Variants in NSD2 observed in about 807,000 individuals in gnomAD.
The protein encoded by NSD2 is histone-lysine N-methyltransferase NSD2.
NSD2 carries 12 observed loss-of-function variants against 139.0 expected under a neutral mutation model. That is an observed-to-expected ratio of 0.09 (90% CI 0.06 to 0.14). The LOEUF is 0.14. Ranked by LOEUF, NSD2 falls within the 10% of genes least tolerant of loss-of-function variation. The probability of loss-of-function intolerance (pLI) is 1.00; values close to 1 mark genes in which losing one functional copy is unlikely to be tolerated. For synonymous variants in NSD2, 669 were observed against 648.7 expected (o/e 1.03, Z -0.48); for missense variants, 1,155 against 1,745.0 (o/e 0.66, Z 6.02).
At chr4:1,977,595 G>T (rs1411486114) in intron 21 of NSD2, among the ~76,000 whole-genome samples, 1 of 152,118 alleles carries the variant, frequency 6.6e-6, no homozygotes, top group African/African-American at 2.4e-5. Context: ...GACCAACATG[G>T]TGAAACCCCG....
chr4:1,914,264 C>G (rs1014742259), intron 3 of NSD2, among the ~76,000 whole-genome samples: 3 of 152,106 alleles, frequency 2.0e-5, no homozygotes, highest in African/African-American at 7.2e-5. Context: ...CTCAAGTATT[C>G]TACCCGCCTT....
Position 1,889,785 on chromosome 4 carries a change from G to T in NSD2, c.-29-10841G>T, listed in dbSNP as rs1715391383. ...ACCTCCCAAAGTGCTGGGATTACAG[G>T]CGTGAGCCACTGTGCCCAGCCGACC... On this transcript the variant is annotated intron_variant, in intron 1 of 21. Coordinates refer to ENST00000508803, the MANE Select transcript of NSD2 (RefSeq NM_001042424.3). Among the ~76,000 whole-genome samples, 3 of 152,086 alleles carry T rather than the reference G, an allele frequency of 2.0e-5. No individual in the cohort carries two copies. The South Asian group carries it at 6.2e-4, about 31-fold the overall frequency.
chr4:1,976,309 C>CT lies in NSD2; in HGVS notation c.3622-165dup. The CT allele has an allele frequency of 1.4e-6, 1 of 714,778 alleles. No individual in the cohort carries two copies. The highest frequency in any genetic ancestry group is 2.7e-5 in the Admixed American group (1 of 36,464). The allele number at this position is 714,778 out of a possible 1,614,324, so 44.3% of individuals were successfully genotyped here. A position where few individuals can be genotyped will look rare whatever the true frequency, so the allele number is the denominator to read the frequency against. On this transcript the variant is annotated intron_variant, in intron 20 of 21. Transcript: ENST00000508803. This position sits in a 1 kb window ranked among gnomAD's most constrained non-coding sequence, Gnocchi z 5.3. ...CTTTTTCACGCTGAGTCGAGTGAGT[C>CT]TAAGGATGTCTGGGGAGCACGAGGA...
intron 6 of NSD2, among the ~76,000 whole-genome samples, chr4:1,934,910 A>T (rs111407761): frequency 0.015 from 1,597 of 104,824 alleles, 34 homozygotes; most frequent in African/African-American, 0.042. Context: ...TATATATATA[A>T]AAAACAGATA....
At chr4:1,913,146 C>T (rs930437564) in intron 3 of NSD2, among the ~76,000 whole-genome samples, 9 of 152,200 alleles carry the variant, frequency 5.9e-5, no homozygotes, top group African/African-American at 1.9e-4. Context: ...TGAAGGGACA[C>T]GGTGAGAAGT....
intron 1 of NSD2, among the ~76,000 whole-genome samples, chr4:1,891,989 C>G (rs962447334): frequency 2.0e-5 from 3 of 152,094 alleles, no homozygotes; most frequent in Admixed American, 2.0e-4. Flanking sequence ...GCCCTCTATG[C>G]TTTCTCTTTT....
At chr4:1,880,748 A>C (rs900190701) in intron 1 of NSD2, among the ~76,000 whole-genome samples, 1 of 152,204 alleles carries the variant, frequency 6.6e-6, no homozygotes, top group African/African-American at 2.4e-5. Flanking sequence ...CTATAAGACC[A>C]GTAAGCCATA....
At chr4:1,913,997 A>C (rs891596260) in intron 3 of NSD2, among the ~76,000 whole-genome samples, 3 of 151,996 alleles carry the variant, frequency 2.0e-5, no homozygotes, top group African/African-American at 7.3e-5. Context: ...ATGGGAAGTA[A>C]ATTTGAGTCC....
At position 1,920,206 on chromosome 4, in the gene NSD2, T is replaced by C. The variant is rs9996424; in HGVS notation, c.1410+1583T>C. On this transcript the variant is annotated intron_variant, in intron 5 of 21. Transcript: ENST00000508803. ...GGCTCCCGCCTGTAATCTCAGCACA[T>C]TGGGAGGCTAAGGTGGGCAGATCAC... Among the ~76,000 whole-genome samples, 1,465 of 152,116 alleles carry C rather than the reference T, an allele frequency of 9.6e-3. 26 individuals carry two copies. Among genetic ancestry groups the C allele is most frequent in the African/African-American group, 0.034 (1,393 of 41,480 alleles).
At chr4:1,941,252 T>C in intron 9 of NSD2, 1 of 1,057,042 alleles carries the variant, frequency 9.5e-7, no homozygotes, top group Non-Finnish European at 1.1e-6. Context: ...AGATTTTTGC[T>C]TTAAAGAGCT....
In NSD2 at chr4:1,981,558, G is replaced by A. The variant is rs961393456; in HGVS notation, c.*2649G>A. The A allele has an allele frequency of 8.0e-5, 26 of 323,226 alleles. No individual in the cohort carries two copies. The highest frequency in any genetic ancestry group is 8.2e-4 in the Middle Eastern group (1 of 1,224). The allele number at this position is 323,226 out of a possible 1,614,324, so 20.0% of individuals were successfully genotyped here. On this transcript the variant is annotated 3_prime_UTR_variant, in exon 22 of 22. Coordinates refer to ENST00000508803, the MANE Select transcript of NSD2 (RefSeq NM_001042424.3). ...TGTGCGCCCACAGGGGGATGTGTCC[G>A]AATGGGCAGCTTAAAATGTGGTCAC...
At chr4:1,921,808 A>G (rs1467030414) in intron 5 of NSD2, among the ~76,000 whole-genome samples, 1 of 151,470 alleles carries the variant, frequency 6.6e-6, no homozygotes, top group Non-Finnish European at 1.5e-5. Flanking sequence ...AAAGAATAAG[A>G]CAGGAAACCA....
At chr4:1,946,418 C>A in intron 9 of NSD2, 1 of 451,348 alleles carries the variant, frequency 2.2e-6, no homozygotes, top group Non-Finnish European at 3.0e-6. Flanking sequence ...CAAGCGGCTG[C>A]CACCACACCT....
At chr4:1,924,760 CAA>C (rs1560662074) in intron 5 of NSD2, among the ~76,000 whole-genome samples, 1 of 148,618 alleles carries the variant, frequency 6.7e-6, no homozygotes, top group Non-Finnish European at 1.5e-5. Flanking sequence ...AAAAAAAAAA[CAA>C]AACAAAACAA....
chr4:1,957,900 A>G lies in NSD2; in HGVS notation c.2882-33A>G, dbSNP rs766132555. ...TGAAAGGTAGTTACCTGTATTTACT[A>G]AAATCTTTACTCCTATTTCATTGAC... On this transcript the variant is annotated intron_variant, in intron 15 of 21. Coordinates refer to ENST00000508803, the MANE Select transcript of NSD2 (RefSeq NM_001042424.3). 1.3e-5 allele frequency: 20 copies of G among 1,596,838 alleles called. No homozygotes were observed. The African/African-American group carries it at 1.5e-4, about 12-fold the overall frequency.
At chr4:1,904,581 T>G (rs550842631) in intron 3 of NSD2, among the ~76,000 whole-genome samples, 1 of 152,370 alleles carries the variant, frequency 6.6e-6, no homozygotes, top group Non-Finnish European at 1.5e-5. Context: ...TCTGATTGAA[T>G]TAGTGTTAAG....
chr4:1,940,170 T>G, intron 9 of NSD2: 1 of 1,097,522 alleles, frequency 9.1e-7, no homozygotes, highest in Non-Finnish European at 1.1e-6. Flanking sequence ...ATATACTGGG[T>G]GGGGTGGAAG....
chr4:1,928,344 G>C (rs2108846044), intron 5 of NSD2, among the ~76,000 whole-genome samples: 1 of 152,288 alleles, frequency 6.6e-6, no homozygotes, highest in African/African-American at 2.4e-5. Context: ...AATTATCTCT[G>C]CTTTATAGCT....
chr4:1,952,656 A>C (rs545590094), intron 11 of NSD2: 1 of 986,514 alleles, frequency 1.0e-6, no homozygotes, highest in Non-Finnish European at 1.2e-6. Flanking sequence ...ATGAAGACAC[A>C]GTGTCACCTT....
Sources: gnomAD v4.1 joint callset for allele counts (sites outside exome capture counted in the v4.1 genomes callset) on GRCh38, gnomAD v4.1.1 for gene constraint, Gnocchi (gnomAD v3.1) non-coding constraint, MANE v1.5 for transcripts, NCBI Gene and HGNC (gene_info 2026-07-23, HGNC 2026-07-21) for gene names.